The following FTCDNL1 variants were observed in gnomAD, a reference collection of about 807,000 sequenced individuals.
FTCDNL1 encodes formiminotransferase cyclodeaminase N-terminal like, also known as formiminotransferase N-terminal subdomain-containing protein.
FTCDNL1 carries 11 observed loss-of-function variants against 5.9 expected under a neutral mutation model. That is an observed-to-expected ratio of 1.87 (90% CI 1.18 to 3.10). The LOEUF (loss-of-function observed/expected upper bound fraction) is 3.10. Ranked by LOEUF, FTCDNL1 falls within the 30% of genes most tolerant of loss-of-function variation. The pLI is 0.00. For synonymous variants in FTCDNL1, 58 were observed against 24.8 expected, an observed-to-expected ratio of 2.34 and a Z score of -3.99; for missense variants, 115 against 65.5, an observed-to-expected ratio of 1.76 and a Z score of -2.61.
rs534794348 is a variant in FTCDNL1, at chr2:199,780,203, C to T, written c.212-19368G>A. On this transcript the variant is annotated intron_variant, in intron 3 of 3. Coordinates refer to the FTCDNL1 transcript ENST00000416668. ...CAGCTCTACAGGGACCTCTGGAGCC[C>T]GGATGGCCCACCTCGCTAGGATAGG... is the stretch of plus-strand genomic sequence containing the variant. Among the ~76,000 whole-genome samples the T allele has an allele frequency of 7.9e-5, 12 of 152,248 alleles. No homozygotes were observed. In the East Asian group the frequency reaches 1.5e-3, roughly 20 times the overall value.
the FTCDNL1 span, among the ~76,000 whole-genome samples, chr2:199,679,209 GTTC>G: frequency 3.9e-5 from 6 of 151,986 alleles, no homozygotes; most frequent in East Asian, 5.8e-4. Context: ...ATTGTTTATG[GTTC>G]TTCTGTGAAT....
At chr2:199,796,411 T>C (rs971788659) in intron 3 of FTCDNL1, among the ~76,000 whole-genome samples, 2 of 152,172 alleles carry the variant, frequency 1.3e-5, no homozygotes, top group African/African-American at 4.8e-5. Flanking sequence ...CTGAAGCATA[T>C]TTCTCTAGCA....
chr2:199,758,233 AT>A (rs1205521396), downstream of FTCDNL1, among the ~76,000 whole-genome samples: 1 of 151,974 alleles, frequency 6.6e-6, no homozygotes, highest in Admixed American at 6.6e-5. Context: ...GAAAAAAAAA[AT>A]TTTCAGACAT....
chr2:199,710,522 T>C, the FTCDNL1 span, among the ~76,000 whole-genome samples: 16 of 152,320 alleles, frequency 1.1e-4, no homozygotes, highest in African/African-American at 3.4e-4. Flanking sequence ...GGTAACTCAG[T>C]GTTCCCAGCG....
the FTCDNL1 span, among the ~76,000 whole-genome samples, chr2:199,670,670 A>G: frequency 6.6e-6 from 1 of 152,068 alleles, no homozygotes; most frequent in Non-Finnish European, 1.5e-5. Context: ...ATATGTATGT[A>G]TGTGTGTGTG....
At chr2:199,837,338 T>C (rs192544786) in intron 3 of FTCDNL1, among the ~76,000 whole-genome samples, 44 of 152,380 alleles carry the variant, frequency 2.9e-4, no homozygotes, top group African/African-American at 1.0e-3. Flanking sequence ...TGCTATGCCC[T>C]AAATATGTTT....
chr2:199,793,356 T>G (rs887568773), intron 3 of FTCDNL1, among the ~76,000 whole-genome samples: 3 of 152,010 alleles, frequency 2.0e-5, no homozygotes, highest in Non-Finnish European at 4.4e-5. Context: ...TTCCTGAGAA[T>G]AGACGGAGGA....
At chr2:199,755,295 C>A in the FTCDNL1 span, among the ~76,000 whole-genome samples, 1 of 152,196 alleles carries the variant, frequency 6.6e-6, no homozygotes, top group Non-Finnish European at 1.5e-5. Flanking sequence ...TTGACAGGGA[C>A]CTCACTATTA....
At chr2:199,840,421 A>G (rs906208451) in intron 3 of FTCDNL1, among the ~76,000 whole-genome samples, 17 of 152,160 alleles carry the variant, frequency 1.1e-4, no homozygotes, top group African/African-American at 4.1e-4. Context: ...ATTTTGATAT[A>G]AATATGTTGA....
At chr2:199,747,666 C>T in the FTCDNL1 span, among the ~76,000 whole-genome samples, 5 of 152,052 alleles carry the variant, frequency 3.3e-5, no homozygotes, top group African/African-American at 7.2e-5. Context: ...CAGCTCGCAT[C>T]GTTTATGATT....
At chr2:199,730,661 T>C in the FTCDNL1 span, among the ~76,000 whole-genome samples, 5 of 152,284 alleles carry the variant, frequency 3.3e-5, no homozygotes, top group South Asian at 8.3e-4. Context: ...TCATGCAAGT[T>C]AGAATGGCAA....
the FTCDNL1 span, among the ~76,000 whole-genome samples, chr2:199,709,637 TTAAG>T: frequency 6.6e-6 from 1 of 151,792 alleles, no homozygotes; most frequent in South Asian, 2.1e-4. Context: ...GTTTTAGAGG[TTAAG>T]TAAGATGAAA....
At chr2:199,761,567 G>A (rs1698274107) in intron 3 of FTCDNL1, among the ~76,000 whole-genome samples, 1 of 152,172 alleles carries the variant, frequency 6.6e-6, no homozygotes. Context: ...AAATGAAACT[G>A]AGGAAAACCT....
the FTCDNL1 span, among the ~76,000 whole-genome samples, chr2:199,712,750 G>T: frequency 6.6e-6 from 1 of 152,124 alleles, no homozygotes; most frequent in African/African-American, 2.4e-5. Context: ...TTCTTGGCTT[G>T]CAGCTGTGTC....
At chr2:199,846,500 C>A (rs935643626) in intron 2 of FTCDNL1, among the ~76,000 whole-genome samples, 1 of 152,204 alleles carries the variant, frequency 6.6e-6, no homozygotes, top group African/African-American at 2.4e-5. Flanking sequence ...TCATATGGCT[C>A]TAAATCCTGT....
intron 3 of FTCDNL1, among the ~76,000 whole-genome samples, chr2:199,791,869 T>A (rs1248817617): frequency 1.3e-5 from 2 of 152,174 alleles, no homozygotes; most frequent in East Asian, 3.9e-4. Flanking sequence ...TGTATATACC[T>A]ATTTGTATAT....
At chr2:199,847,044 C>A (rs1254965421) in intron 2 of FTCDNL1, among the ~76,000 whole-genome samples, 1 of 152,094 alleles carries the variant, frequency 6.6e-6, no homozygotes, top group African/African-American at 2.4e-5. Flanking sequence ...CTTAGAACAG[C>A]CCTACACTAT....
At chr2:199,726,926 G>T in the FTCDNL1 span, among the ~76,000 whole-genome samples, 2 of 152,196 alleles carry the variant, frequency 1.3e-5, no homozygotes, top group Non-Finnish European at 2.9e-5. Flanking sequence ...CATTCTGGCT[G>T]CCCCTTGACA....
chr2:199,771,270 C>G (rs1183285851), intron 3 of FTCDNL1, among the ~76,000 whole-genome samples: 1 of 152,106 alleles, frequency 6.6e-6, no homozygotes, highest in African/African-American at 2.4e-5. Context: ...CACGACATGA[C>G]CCAGAACATC....
Sources: gnomAD v4.1 joint callset for allele counts (sites outside exome capture counted in the v4.1 genomes callset) on GRCh38, gnomAD v4.1.1 for gene constraint, MANE v1.5 for transcripts, NCBI Gene and HGNC (gene_info 2026-07-23, HGNC 2026-07-21) for gene names.